UNC13B: variants seen among roughly 807,000 people sequenced by gnomAD.
UNC13B encodes the protein unc-13 homolog B.
UNC13B carries 144 observed loss-of-function variants against 211.0 expected under a neutral mutation model. That is an observed-to-expected ratio of 0.68 (90% CI 0.60 to 0.78). The LOEUF is 0.78. Among genes scored for constraint, UNC13B ranks in the 30% least tolerant of loss-of-function variants. The probability of loss-of-function intolerance (pLI) is 0.00; values close to 1 mark genes in which losing one functional copy is unlikely to be tolerated. For synonymous variants in UNC13B, 709 were observed against 725.8 expected (o/e 0.98, Z 0.37); for missense variants, 1,777 against 2,002.0 (o/e 0.89, Z 2.14).
intron 1 of UNC13B, among the ~76,000 whole-genome samples, chr9:35,213,524 G>A (rs764490243): frequency 6.6e-6 from 1 of 152,140 alleles, no homozygotes; most frequent in Non-Finnish European, 1.5e-5. Flanking sequence ...TAATACATAA[G>A]GCAGCAAAGG....
intron 7 of UNC13B, among the ~76,000 whole-genome samples, chr9:35,275,320 C>T (rs1344072929): frequency 6.6e-6 from 1 of 152,110 alleles, no homozygotes; most frequent in African/African-American, 2.4e-5. Context: ...GCTTTTCTTA[C>T]GTGGCTACTG....
chr9:35,209,220 G>A (rs762775482), intron 1 of UNC13B, among the ~76,000 whole-genome samples: 6 of 151,574 alleles, frequency 4.0e-5, no homozygotes, highest in East Asian at 1.9e-4. Context: ...ATATACCACC[G>A]CACCGGCTAA....
chr9:35,282,703 G>A (rs1349522582), intron 7 of UNC13B, among the ~76,000 whole-genome samples: 1 of 152,092 alleles, frequency 6.6e-6, no homozygotes, highest in Non-Finnish European at 1.5e-5. Flanking sequence ...CCAAAGTGAT[G>A]GGATTACAGG....
chr9:35,205,514 T>G (rs1437079520), intron 1 of UNC13B, among the ~76,000 whole-genome samples: 3 of 152,346 alleles, frequency 2.0e-5, no homozygotes, highest in Non-Finnish European at 4.4e-5. Context: ...AAGAAACCTC[T>G]TAGCCATTAG....
At chr9:35,346,210 T>C (rs1832348785) in intron 11 of UNC13B, among the ~76,000 whole-genome samples, 1 of 152,176 alleles carries the variant, frequency 6.6e-6, no homozygotes, top group Admixed American at 6.5e-5. Context: ...AAATGCTCTG[T>C]CCTCTGTTGG....
intron 1 of UNC13B, among the ~76,000 whole-genome samples, chr9:35,175,929 G>A (rs1017680063): frequency 6.6e-5 from 10 of 150,424 alleles, no homozygotes; most frequent in Admixed American, 1.3e-4. Flanking sequence ...GGGAGGCCAA[G>A]GCAGGAGAAA....
intron 11 of UNC13B, among the ~76,000 whole-genome samples, chr9:35,339,351 C>A (rs1253003664): frequency 6.6e-6 from 1 of 152,228 alleles, no homozygotes; most frequent in Non-Finnish European, 1.5e-5. Context: ...CAGGCTTCCC[C>A]AGGGCCAGAT....
intron 37 of UNC13B, among the ~76,000 whole-genome samples, chr9:35,402,282 CTTTT>C (rs1168729927): frequency 7.3e-6 from 1 of 136,866 alleles, no homozygotes. Context: ...TTCTTTTTTT[CTTTT>C]TTTTTTTTTT....
chr9:35,184,106 C>T (rs1401068907), intron 1 of UNC13B, among the ~76,000 whole-genome samples: 1 of 151,532 alleles, frequency 6.6e-6, no homozygotes, highest in Non-Finnish European at 1.5e-5. Flanking sequence ...CCTCACATCC[C>T]AGACGATGGG....
At chr9:35,228,115 A>C in intron 2 of UNC13B, 71 bp downstream of exon 2, 1 of 1,324,720 alleles carries the variant, frequency 7.5e-7, no homozygotes, top group Non-Finnish European at 1.0e-6. Flanking sequence ...TAAAAAAATT[A>C]TTAATTCATT....
At chr9:35,284,588 A>G (rs1828687140) in intron 7 of UNC13B, among the ~76,000 whole-genome samples, 1 of 152,210 alleles carries the variant, frequency 6.6e-6, no homozygotes, top group Non-Finnish European at 1.5e-5. Flanking sequence ...CTATATCACA[A>G]GTAACGTTGG....
At position 35,347,600 on chromosome 9, in the gene UNC13B, C is replaced by T. The variant is rs1005226486; in HGVS notation, c.9415-19347C>T. Among the ~76,000 whole-genome samples, 6 of 152,200 alleles carry T rather than the reference C, an allele frequency of 3.9e-5. 1 individual carries two copies. Among genetic ancestry groups the T allele is most frequent in the Admixed American group, 3.3e-4 (5 of 15,284 alleles). On this transcript the variant is annotated intron_variant, in intron 11 of 39. Transcript: ENST00000635942. Reference sequence around the variant, plus strand: ...ACTGGATTACTAAGTGAGTTTGGTGCCCTTCCTATATCACCAGAAGAGATT... The same window carrying T: ...ACTGGATTACTAAGTGAGTTTGGTGTCCTTCCTATATCACCAGAAGAGATT...
At chr9:35,196,808 T>A (rs545363781) in intron 1 of UNC13B, among the ~76,000 whole-genome samples, 1 of 152,354 alleles carries the variant, frequency 6.6e-6, no homozygotes, top group East Asian at 1.9e-4. Context: ...TCTTGCTCTG[T>A]TGCTCAGGCT....
intron 17 of UNC13B, among the ~76,000 whole-genome samples, chr9:35,379,968 G>A (rs1467391219): frequency 6.6e-6 from 1 of 152,106 alleles, no homozygotes; most frequent in Non-Finnish European, 1.5e-5. Context: ...GGATATGATA[G>A]GCTAATATAG....
At chr9:35,220,352 C>G (rs1452049108) in intron 1 of UNC13B, among the ~76,000 whole-genome samples, 2 of 150,326 alleles carry the variant, frequency 1.3e-5, no homozygotes, top group Non-Finnish European at 3.0e-5. Context: ...ACTGTAGTCC[C>G]CCTGTTGTGC....
At chr9:35,164,898 T>TA (rs1246412091) in intron 1 of UNC13B, among the ~76,000 whole-genome samples, 1 of 152,214 alleles carries the variant, frequency 6.6e-6, no homozygotes, top group African/African-American at 2.4e-5. Context: ...AAATGAATCA[T>TA]ATGCTGCCTG....
intron 1 of UNC13B, among the ~76,000 whole-genome samples, chr9:35,202,846 G>C (rs1223042165): frequency 6.7e-6 from 1 of 150,142 alleles, no homozygotes. Flanking sequence ...AGGGTGGAGT[G>C]CAGTGGCGTG....
intron 11 of UNC13B, among the ~76,000 whole-genome samples, chr9:35,346,837 C>A (rs756923450): frequency 2.6e-5 from 4 of 152,196 alleles, no homozygotes; most frequent in African/African-American, 4.8e-5. Context: ...TCAAACATTA[C>A]TTTTCTGTGG....
At chr9:35,236,247 A>G (rs1825503154) in intron 3 of UNC13B, among the ~76,000 whole-genome samples, 1 of 152,210 alleles carries the variant, frequency 6.6e-6, no homozygotes, top group Non-Finnish European at 1.5e-5. Flanking sequence ...GTATAGCAGC[A>G]GGTCTCTGGA....
Sources: gnomAD v4.1 joint callset for allele counts (sites outside exome capture counted in the v4.1 genomes callset) on GRCh38, gnomAD v4.1.1 for gene constraint, MANE v1.5 for transcripts, NCBI Gene and HGNC (gene_info 2026-07-23, HGNC 2026-07-21) for gene names.